Variants in SMC1B observed in about 807,000 individuals in gnomAD.
SMC1B encodes the protein structural maintenance of chromosomes protein 1B.
SMC1B carries 60 observed loss-of-function variants against 157.9 expected under a neutral mutation model. That is an observed-to-expected ratio of 0.38 (90% CI 0.31 to 0.47). The LOEUF is 0.47. SMC1B is among the 20% of genes least tolerant of loss of function. SMC1B has a pLI of 0.99. For missense variants in SMC1B, 1,165 were observed against 1,426.2 expected, an observed-to-expected ratio of 0.82 and a Z score of 2.95; for synonymous variants, 445 against 483.0, an observed-to-expected ratio of 0.92 and a Z score of 1.03.
At chr22:45,410,471 G>A (rs1365851938) in intron 1 of SMC1B, among the ~76,000 whole-genome samples, 1 of 152,166 alleles carries the variant, frequency 6.6e-6, no homozygotes, top group South Asian at 2.1e-4. Flanking sequence ...GGGAGGCCGA[G>A]GCAGGAAGAT....
At chr22:45,356,115 TAAACTG>T in intron 19 of SMC1B, among the ~76,000 whole-genome samples, 1 of 152,218 alleles carries the variant, frequency 6.6e-6, no homozygotes, top group South Asian at 2.1e-4. Context: ...TAACAGCATA[TAAACTG>T]AAAAGATGTG....
At chr22:45,412,826 C>A (rs1229072430) in intron 1 of SMC1B, among the ~76,000 whole-genome samples, 1 of 152,164 alleles carries the variant, frequency 6.6e-6, no homozygotes, top group Non-Finnish European at 1.5e-5. Context: ...ACTGGGTCAT[C>A]ATCACTACAT....
rs780829170 is a variant in SMC1B at position 45,363,002 on chromosome 22, A to C, written c.2445T>G (p.Thr815=). 3.1e-6 allele frequency: 5 copies of C among 1,588,142 alleles called. No homozygotes were observed. The highest frequency in any genetic ancestry group is 2.3e-5 in the South Asian group (2 of 85,128). ...QKRLEFEKQK[T]RLNVQLEYSR... ...TATACTCAAGTTGAACATTAAGCCG[A>C]GTTTTTTGTTTTTCAAATTCTAATC... Residue 815 remains threonine, a synonymous_variant, in exon 16 of 25, where the codon ACT becomes ACG. Transcript: ENST00000357450.
chr22:45,361,946 C>G lies in SMC1B; in HGVS notation c.2601G>C (p.Met867Ile). 6.2e-7 allele frequency: 1 copy of G among 1,614,142 alleles called. No homozygotes were observed. The highest frequency in any genetic ancestry group is 8.5e-7 in the Non-Finnish European group (1 of 1,180,016). Residue 867 changes from methionine to isoleucine, a missense_variant, in exon 17 of 25, where the codon ATG becomes ATC. Coordinates refer to ENST00000357450, the MANE Select transcript of SMC1B (RefSeq NM_148674.5). ...TGTCCTTAAGTTGCTGCTGCTTTGC[C>G]ATGAGTTCATTCACTGTCTGCAGAC... is the stretch of plus-strand genomic sequence containing the variant. ...ENCLQTVNELMAKQQQLKDIR... is the reference protein window; with the variant it reads ...ENCLQTVNELIAKQQQLKDIR...
rs775863388 is a variant in SMC1B, at chr22:45,344,584, C to T, written c.3680G>A (p.Ser1227Asn). 2.5e-6 allele frequency: 4 copies of T among 1,614,064 alleles called. No individual in the cohort carries two copies. Among genetic ancestry groups the T allele is most frequent in the South Asian group, 1.1e-5 (1 of 91,078 alleles). ...SQYPDTEGQE[S>N]SKRHGESR ...GCGGGACTCTCCGTGTCTCTTGCTG[C>T]TTTCTTGGCCTTCAGTGTCTGGATA... The change falls in exon 25 of 25, where the codon AGC becomes AAC. Residue 1227 changes from serine to asparagine, a missense_variant. Transcript: ENST00000357450.
intron 12 of SMC1B, among the ~76,000 whole-genome samples, chr22:45,375,097 C>A (rs879754147): frequency 6.6e-6 from 1 of 152,190 alleles, no homozygotes; most frequent in Non-Finnish European, 1.5e-5. Flanking sequence ...TTAGAGGAAA[C>A]CTGCCTCCTA....
Position 45,372,235 on chromosome 22 carries a change from G to C in SMC1B, c.2116C>G (p.Gln706Glu), listed in dbSNP as rs2086840333. 1 of 1,611,124 alleles carries C rather than the reference G, an allele frequency of 6.2e-7. No homozygotes were observed. The highest frequency in any genetic ancestry group is 8.5e-7 in the Non-Finnish European group (1 of 1,178,578). The change falls in exon 13 of 25, where the codon CAG (glutamine) becomes GAG (glutamate). Residue 706 changes from glutamine to glutamate, a missense_variant. Gln to Glu is a conservative substitution (Grantham distance 29). Transcript: ENST00000357450. ...TDLKQIQTLI[Q>E]GTQTRLKYSQ... ...TATTTGAGTCGTGTTTGAGTTCCCTGTATCAGGGTCTGTATTTGTTTCAAA... is the reference window on the plus strand; with the variant it reads ...TATTTGAGTCGTGTTTGAGTTCCCTCTATCAGGGTCTGTATTTGTTTCAAA...
At position 45,344,546 on chromosome 22, in the gene SMC1B, A is replaced by C; in HGVS notation, c.*10T>G. On this transcript the variant is annotated 3_prime_UTR_variant, in exon 25 of 25. Coordinates refer to ENST00000357450, the MANE Select transcript of SMC1B (RefSeq NM_148674.5). The stretch of plus-strand genomic sequence containing the variant: ...TGAACAGTGATCAGGTGACTGCTGC[A>C]GGACTGCCCCTAGCGGGACTCTCCG... 1 of 1,595,608 alleles carries C rather than the reference A, an allele frequency of 6.3e-7. No homozygotes were observed. The highest frequency in any genetic ancestry group is 8.6e-7 in the Non-Finnish European group (1 of 1,163,252).
At chr22:45,352,220 C>CAAA (rs34136195) in intron 22 of SMC1B, among the ~76,000 whole-genome samples, 1 of 122,640 alleles carries the variant, frequency 8.2e-6, no homozygotes. Context: ...ACTCTGTCTC[C>CAAA]AAAAAAAAAA....
chr22:45,361,719 T>G, intron 17 of SMC1B, 120 bp downstream of exon 17: 2 of 966,340 alleles, frequency 2.1e-6, no homozygotes, highest in Non-Finnish European at 1.6e-6. Context: ...GGGTGTGATG[T>G]GAGACCAAGA....
At chr22:45,359,771 A>G in intron 18 of SMC1B, 34 bp downstream of exon 18, 1 of 1,602,460 alleles carries the variant, frequency 6.2e-7, no homozygotes, top group East Asian at 2.2e-5. Flanking sequence ...GTTCCACACA[A>G]CGGCACATAT....
chr22:45,377,909 C>T (rs1212275616), intron 12 of SMC1B, among the ~76,000 whole-genome samples: 4 of 151,830 alleles, frequency 2.6e-5, no homozygotes, highest in Admixed American at 6.6e-5. Context: ...AGTGCAGTGG[C>T]ATAATCACTG....
chr22:45,398,063 G>A (rs904672333), intron 6 of SMC1B, among the ~76,000 whole-genome samples: 1 of 152,154 alleles, frequency 6.6e-6, no homozygotes, highest in Non-Finnish European at 1.5e-5. Context: ...CCAGAGCTGA[G>A]GGCCAGAGTG....
Position 45,352,591 on chromosome 22 carries a change from G to A in SMC1B, c.3285C>T (p.Ser1095=), listed in dbSNP as rs1426419126. The change falls in exon 22 of 25, where the codon AGC becomes AGT. Residue 1095 remains serine, a synonymous_variant. Coordinates refer to ENST00000357450, the MANE Select transcript of SMC1B (RefSeq NM_148674.5). ...CRNNSAQAFL[S]PENPEEPYLE... ...AGTAAGGTTCTTCAGGGTTCTCTGGGCTAAGAAATGCCTGAAACGCATGTT... is the reference window on the plus strand; with the variant it reads ...AGTAAGGTTCTTCAGGGTTCTCTGGACTAAGAAATGCCTGAAACGCATGTT... 6.2e-7 allele frequency: 1 copy of A among 1,604,968 alleles called. No individual in the cohort carries two copies. The highest frequency in any genetic ancestry group is 1.1e-5 in the South Asian group (1 of 89,762).
chr22:45,387,432 AGAGT>A (rs1259374533), intron 10 of SMC1B, among the ~76,000 whole-genome samples: 1 of 151,292 alleles, frequency 6.6e-6, no homozygotes, highest in African/African-American at 2.5e-5. Context: ...CCTAGGCAAC[AGAGT>A]GAGACTCCGT....
Position 45,344,575 on chromosome 22 carries a change from C to T in SMC1B, c.3689G>A (p.Arg1230Lys). ...PDTEGQESSK[R>K]HGESR is the part of the protein sequence containing the mutation. ...CTGCCCCTAGCGGGACTCTCCGTGT[C>T]TCTTGCTGCTTTCTTGGCCTTCAGT... The change falls in exon 25 of 25, where the codon AGA (arginine) becomes AAA (lysine). Residue 1230 changes from arginine to lysine, a missense_variant. Physicochemically the swap from Arg to Lys is conservative, Grantham distance 26. Coordinates refer to ENST00000357450, the MANE Select transcript of SMC1B (RefSeq NM_148674.5). The T allele has an allele frequency of 6.2e-7, 1 of 1,613,938 alleles. No individual in the cohort carries two copies. The highest frequency in any genetic ancestry group is 1.3e-5 in the African/African-American group (1 of 75,050).
intron 7 of SMC1B, among the ~76,000 whole-genome samples, chr22:45,395,483 G>GCCTTTAATA (rs1274292610): frequency 6.6e-6 from 1 of 152,126 alleles, no homozygotes; most frequent in African/African-American, 2.4e-5. Flanking sequence ...TTAGAATCCT[G>GCCTTTAATA]CCTTTAATAA....
At chr22:45,377,300 T>C (rs1373346955) in intron 12 of SMC1B, among the ~76,000 whole-genome samples, 1 of 152,194 alleles carries the variant, frequency 6.6e-6, no homozygotes, top group Non-Finnish European at 1.5e-5. Flanking sequence ...GATTTGCCCC[T>C]TTTCTATTTT....
intron 22 of SMC1B, among the ~76,000 whole-genome samples, chr22:45,350,634 T>TGA (rs1247315568): frequency 6.6e-5 from 10 of 152,264 alleles, no homozygotes; most frequent in Non-Finnish European, 1.0e-4. Context: ...TCCATGTGGG[T>TGA]GACTAATACA....
Sources: allele counts gnomAD v4.1 joint callset (sites outside exome capture counted in the v4.1 genomes callset), GRCh38; gene constraint gnomAD v4.1.1; transcripts MANE v1.5; gene names NCBI Gene and HGNC (gene_info 2026-07-23, HGNC 2026-07-21).